The following PRMT3 variants were observed in gnomAD, a reference collection of about 807,000 sequenced individuals.
PRMT3 encodes the protein protein arginine N-methyltransferase 3.
Under a neutral mutation model 71.9 loss-of-function variants are expected in PRMT3, and 62 were observed. That is an observed-to-expected ratio of 0.86 (90% CI 0.70 to 1.07). PRMT3 has a LOEUF of 1.07. Among genes scored for constraint, PRMT3 ranks in the 50% least tolerant of loss-of-function variants. The pLI, the probability that PRMT3 is intolerant of heterozygous loss-of-function variation, is 0.00. For missense variants in PRMT3, 663 were observed against 643.0 expected (o/e 1.03, Z -0.34); for synonymous variants, 213 against 220.4 (o/e 0.97, Z 0.30).
chr11:20,438,348 CT>C (rs1849809001), intron 10 of PRMT3, among the ~76,000 whole-genome samples: 2 of 10,214 alleles, frequency 2.0e-4, no homozygotes, highest in East Asian at 1.5e-3. Context: ...ATCCCAGACT[CT>C]GTGAGGCTGG....
chr11:20,401,778 T>C (rs1193677330), intron 7 of PRMT3, among the ~76,000 whole-genome samples: 2 of 152,194 alleles, frequency 1.3e-5, no homozygotes, highest in African/African-American at 4.8e-5. Context: ...ATCAACTCTG[T>C]TCATGAACCA....
chr11:20,465,072 G>A lies in PRMT3; in HGVS notation c.1347+526G>A, dbSNP rs573984965. Among the ~76,000 whole-genome samples, 26 of 152,120 alleles carry A rather than the reference G, an allele frequency of 1.7e-4. No individual in the cohort carries two copies. The South Asian group carries it at 2.1e-3, about 12-fold the overall frequency. ...CCTATGTGGTTCTACCACTTATTTC[G>A]TTGTTAAGTTACCTAAGTAATCTGT... is the stretch of plus-strand genomic sequence containing the variant. On this transcript the variant is annotated intron_variant, in intron 13 of 15. Coordinates refer to ENST00000331079, the MANE Select transcript of PRMT3 (RefSeq NM_005788.4).
At chr11:20,457,893 T>C (rs1850303236) in intron 11 of PRMT3, among the ~76,000 whole-genome samples, 1 of 152,202 alleles carries the variant, frequency 6.6e-6, no homozygotes, top group African/African-American at 2.4e-5. Flanking sequence ...GTGTCATTTT[T>C]TATTTTTCAG....
At chr11:20,388,771 TGTGG>T (rs1848651387) in intron 2 of PRMT3, among the ~76,000 whole-genome samples, 1 of 152,268 alleles carries the variant, frequency 6.6e-6, no homozygotes, top group Non-Finnish European at 1.5e-5. Flanking sequence ...GTCACAAAGC[TGTGG>T]TGTGCTTATT....
chr11:20,451,775 G>A (rs919985431), intron 10 of PRMT3, among the ~76,000 whole-genome samples: 5 of 152,052 alleles, frequency 3.3e-5, no homozygotes, highest in Non-Finnish European at 5.9e-5. Context: ...ATCAAGTGGA[G>A]AACCACTGCT....
At chr11:20,452,412 T>C (rs1850170838) in intron 11 of PRMT3, among the ~76,000 whole-genome samples, 1 of 152,218 alleles carries the variant, frequency 6.6e-6, no homozygotes, top group Admixed American at 6.5e-5. Flanking sequence ...TCCAAGGTAA[T>C]GGTATTCTCA....
At chr11:20,431,554 A>G (rs1017085793) in intron 10 of PRMT3, among the ~76,000 whole-genome samples, 2 of 152,202 alleles carry the variant, frequency 1.3e-5, no homozygotes, top group Non-Finnish European at 1.5e-5. Flanking sequence ...AATCATATAC[A>G]TGAAATAAAG....
chr11:20,480,462 A>T (rs575753683), intron 13 of PRMT3, among the ~76,000 whole-genome samples: 4 of 152,212 alleles, frequency 2.6e-5, no homozygotes, highest in African/African-American at 9.6e-5. Flanking sequence ...AAAGAAGCCT[A>T]GGATGGCTGG....
rs1031641668 is a variant in PRMT3, at chr11:20,508,686, A to G, written c.*273A>G. On this transcript the variant is annotated 3_prime_UTR_variant, in exon 16 of 16. Coordinates refer to ENST00000331079, the MANE Select transcript of PRMT3 (RefSeq NM_005788.4). ...TGTAACTCCCACATTGAGTTTATCT[A>G]TATTGAAAATCATTTACATTGGCCT... 7 of 519,904 alleles carry G rather than the reference A, an allele frequency of 1.3e-5. No individual in the cohort carries two copies. Among genetic ancestry groups the G allele is most frequent in the Non-Finnish European group, 2.2e-5 (6 of 272,700 alleles). The allele number at this position is 519,904 out of a possible 1,614,324, so 32.2% of individuals were successfully genotyped here.
chr11:20,409,722 A>G (rs1211293985), intron 9 of PRMT3, among the ~76,000 whole-genome samples: 2 of 151,938 alleles, frequency 1.3e-5, no homozygotes, highest in African/African-American at 4.8e-5. Context: ...AATTACACAT[A>G]CATATATATA....
intron 9 of PRMT3, among the ~76,000 whole-genome samples, chr11:20,419,870 A>G (rs1441375350): frequency 2.6e-5 from 4 of 152,194 alleles, no homozygotes; most frequent in Non-Finnish European, 5.9e-5. Context: ...AAGAATCCTA[A>G]TAAAAATATT....
chr11:20,413,003 C>T (rs1265959318), intron 9 of PRMT3, among the ~76,000 whole-genome samples: 1 of 152,088 alleles, frequency 6.6e-6, no homozygotes, highest in Non-Finnish European at 1.5e-5. Flanking sequence ...AGCCAGTTTG[C>T]AATTCCTTAT....
chr11:20,470,268 T>A (rs1850611775), intron 13 of PRMT3, among the ~76,000 whole-genome samples: 2 of 152,148 alleles, frequency 1.3e-5, no homozygotes, highest in Non-Finnish European at 2.9e-5. Context: ...GTTCTGGGGT[T>A]CATGTGCAGG....
chr11:20,443,432 A>G (rs559824190), intron 10 of PRMT3, among the ~76,000 whole-genome samples: 45 of 152,278 alleles, frequency 3.0e-4, no homozygotes, highest in Non-Finnish European at 6.2e-4. Flanking sequence ...TTTGTCTCCT[A>G]TTTCCTCCAT....
intron 13 of PRMT3, among the ~76,000 whole-genome samples, chr11:20,475,039 G>A (rs941364806): frequency 2.6e-5 from 4 of 152,160 alleles, no homozygotes; most frequent in African/African-American, 9.7e-5. Context: ...TAAGGAAGGG[G>A]TAGGCTGCAA....
intron 15 of PRMT3, among the ~76,000 whole-genome samples, chr11:20,505,778 G>A (rs1065298): frequency 0.047 from 7,142 of 151,292 alleles, 519 homozygotes; most frequent in African/African-American, 0.16. Flanking sequence ...ATAAGAAAAC[G>A]TGTATCATTG....
chr11:20,474,688 C>T (rs913195223), intron 13 of PRMT3, among the ~76,000 whole-genome samples: 1 of 152,196 alleles, frequency 6.6e-6, no homozygotes, highest in Admixed American at 6.5e-5. Flanking sequence ...ACTGAGTGTT[C>T]CTTTGGCTTC....
intron 15 of PRMT3, among the ~76,000 whole-genome samples, chr11:20,495,088 G>T (rs1013897413): frequency 6.6e-6 from 1 of 151,902 alleles, no homozygotes; most frequent in Admixed American, 6.6e-5. Flanking sequence ...GAGTGCAGTG[G>T]CACCATCTCA....
At chr11:20,418,360 A>G (rs2133339671) in intron 9 of PRMT3, among the ~76,000 whole-genome samples, 1 of 152,312 alleles carries the variant, frequency 6.6e-6, no homozygotes, top group East Asian at 1.9e-4. Context: ...TCAGGTGGTG[A>G]TTAACAGTCT....
Sources: allele counts gnomAD v4.1 joint callset (sites outside exome capture counted in the v4.1 genomes callset), GRCh38; gene constraint gnomAD v4.1.1; transcripts MANE v1.5; gene names NCBI Gene and HGNC (gene_info 2026-07-23, HGNC 2026-07-21).